CLSTN2: variants seen among roughly 807,000 people sequenced by gnomAD.
CLSTN2 encodes the protein calsyntenin-2.
Under a neutral mutation model 101.2 loss-of-function variants are expected in CLSTN2, and 48 were observed. That is an observed-to-expected ratio of 0.47 (90% CI 0.38 to 0.60). The LOEUF (loss-of-function observed/expected upper bound fraction) is 0.60. Among genes scored for constraint, CLSTN2 ranks in the 20% least tolerant of loss-of-function variants. The pLI is 0.00. For missense variants in CLSTN2, 1,160 were observed against 1,238.2 expected, an observed-to-expected ratio of 0.94 and a Z score of 0.95; for synonymous variants, 481 against 463.6, an observed-to-expected ratio of 1.04 and a Z score of -0.48.
intron 5 of CLSTN2, among the ~76,000 whole-genome samples, chr3:140,421,921 C>T (rs1024672956): frequency 1.3e-5 from 2 of 152,060 alleles, no homozygotes; most frequent in Middle Eastern, 3.2e-3. Flanking sequence ...ATAGATGGAC[C>T]TTACAGAGAT....
intron 2 of CLSTN2, 122 bp from the exon 3 acceptor site, chr3:140,403,507 C>T: frequency 1.2e-6 from 1 of 832,062 alleles, no homozygotes; most frequent in Admixed American, 2.3e-5. Context: ...TCGTGGACCA[C>T]ACTATGTGCG....
At chr3:140,310,308 T>C (rs1300829388) in intron 2 of CLSTN2, among the ~76,000 whole-genome samples, 1 of 150,342 alleles carries the variant, frequency 6.7e-6, no homozygotes, top group African/African-American at 2.4e-5. Context: ...GAAGTTTGGC[T>C]GGCCCCACCC....
At position 140,576,998 on chromosome 3, in the gene CLSTN2, G is replaced by A. The variant is rs1317173563; in HGVS notation, c.*10745G>A. The A allele has an allele frequency of 6.6e-6, 1 of 152,086 alleles. No homozygotes were observed. The highest frequency in any genetic ancestry group is 1.5e-5 in the Non-Finnish European group (1 of 68,014). 9.4% of individuals were successfully genotyped at this position (152,086 alleles called of 1,614,324 possible). The stretch of plus-strand genomic sequence containing the variant: ...TCAACAAGGTTGCCCAGCCACAGAG[G>A]GTCAGAGAAAATGTCCTTTCCCCTC... On this transcript the variant is annotated 3_prime_UTR_variant, in exon 17 of 17. Transcript: ENST00000458420.
rs527294739 is a variant in CLSTN2, at chr3:140,322,928, A to G, written c.233-80701A>G. On this transcript the variant is annotated intron_variant, in intron 2 of 16. Coordinates refer to ENST00000458420, the MANE Select transcript of CLSTN2 (RefSeq NM_022131.3). Reference sequence around the variant, plus strand: ...GAATTAAAATCTAAGGGAGAAATAAAAAACATACCTCATGCTGGGTTGATT... The same window carrying G: ...GAATTAAAATCTAAGGGAGAAATAAGAAACATACCTCATGCTGGGTTGATT... 1.6e-4 allele frequency among the ~76,000 whole-genome samples: 25 copies of G among 152,380 alleles called. No individual in the cohort carries two copies. The South Asian group carries it at 4.6e-3, about 28-fold the overall frequency.
intron 1 of CLSTN2, among the ~76,000 whole-genome samples, chr3:139,979,808 G>A (rs143430268): frequency 1.3e-4 from 20 of 151,968 alleles, no homozygotes; most frequent in African/African-American, 4.8e-4. Context: ...TCATTAGCCA[G>A]GATTTATGTG....
At chr3:140,440,100 A>C (rs910753165) in intron 5 of CLSTN2, among the ~76,000 whole-genome samples, 1 of 151,958 alleles carries the variant, frequency 6.6e-6, no homozygotes, top group Admixed American at 6.6e-5. Flanking sequence ...ATTGGGGGAG[A>C]CTCATCAAGG....
intron 2 of CLSTN2, among the ~76,000 whole-genome samples, chr3:140,353,176 G>T (rs1372377481): frequency 6.6e-6 from 1 of 151,632 alleles, no homozygotes; most frequent in Non-Finnish European, 1.5e-5. Context: ...GTGAATTTTG[G>T]TATCTAAGTG....
chr3:140,067,230 A>G (rs1350890646), intron 1 of CLSTN2, among the ~76,000 whole-genome samples: 1 of 148,354 alleles, frequency 6.7e-6, no homozygotes, highest in Non-Finnish European at 1.5e-5. Context: ...CAAGCAGAGT[A>G]ACACATGCTT....
intron 1 of CLSTN2, among the ~76,000 whole-genome samples, chr3:140,078,423 A>G (rs886861006): frequency 4.6e-5 from 7 of 152,332 alleles, no homozygotes; most frequent in Non-Finnish European, 5.9e-5. Flanking sequence ...TGTGTGATAT[A>G]ATGTACTACT....
At position 140,172,234 on chromosome 3, in the gene CLSTN2, G is replaced by A. The variant is rs928949823; in HGVS notation, c.110-3717G>A. Among the ~76,000 whole-genome samples, 13 of 151,390 alleles carry A rather than the reference G, an allele frequency of 8.6e-5. No individual in the cohort carries two copies. In the East Asian group the frequency reaches 1.2e-3, roughly 14 times the overall value. ...TTCTGTGAGGGTATTGGGGGTGAGC[G>A]GGGGGGACTAAAAAAGAGAAACCAA... On this transcript the variant is annotated intron_variant, in intron 1 of 16. Transcript: ENST00000458420.
chr3:140,392,553 G>A (rs74320233), intron 2 of CLSTN2, among the ~76,000 whole-genome samples: 9,675 of 152,088 alleles, frequency 0.064, 689 homozygotes, highest in African/African-American at 0.18. Flanking sequence ...TAAAAATAAA[G>A]TTTAAACTCT....
At chr3:140,444,035 T>C (rs535943029) in intron 5 of CLSTN2, among the ~76,000 whole-genome samples, 83 of 152,328 alleles carry the variant, frequency 5.4e-4, no homozygotes, top group African/African-American at 1.9e-3. Context: ...TTTGCCAACA[T>C]TGGGATTATC....
chr3:140,458,656 C>T (rs1215672355), intron 6 of CLSTN2, among the ~76,000 whole-genome samples: 5 of 152,122 alleles, frequency 3.3e-5, no homozygotes, highest in Non-Finnish European at 5.9e-5. Context: ...ATGAAGTCTT[C>T]GTGCCTTAGC....
rs554574673 is a variant in CLSTN2 at position 140,419,582 on chromosome 3, C to T, written c.638-1543C>T. 4.5e-4 allele frequency among the ~76,000 whole-genome samples: 22 copies of T among 49,096 alleles called. 5 individuals are homozygous for T. In the South Asian group the frequency reaches 5.5e-3, roughly 12 times the overall value. 32.2% of individuals were successfully genotyped at this position (49,096 alleles called of 152,430 possible). A position where few individuals can be genotyped will look rare whatever the true frequency, so the allele number is the denominator to read the frequency against. The stretch of plus-strand genomic sequence containing the variant: ...GTATATATGTATATATACATATATA[C>T]GTGTACGTATATATGTATATATACA... On this transcript the variant is annotated intron_variant, in intron 4 of 16. Transcript: ENST00000458420.
chr3:140,429,316 G>C (rs962507543), intron 5 of CLSTN2, among the ~76,000 whole-genome samples: 11 of 152,146 alleles, frequency 7.2e-5, no homozygotes, highest in African/African-American at 2.7e-4. Flanking sequence ...TAGAAATGCT[G>C]AGGATAAAAG....
intron 2 of CLSTN2, among the ~76,000 whole-genome samples, chr3:140,372,020 G>A (rs1006755847): frequency 1.3e-5 from 2 of 152,142 alleles, no homozygotes; most frequent in Admixed American, 6.5e-5. Flanking sequence ...TAACTTCAAG[G>A]ACCTAAGATG....
At chr3:140,439,753 G>A (rs946894323) in intron 5 of CLSTN2, among the ~76,000 whole-genome samples, 31 of 151,334 alleles carry the variant, frequency 2.0e-4, no homozygotes, top group African/African-American at 7.0e-4. Context: ...GCACACACAC[G>A]CACACACACA....
intron 2 of CLSTN2, among the ~76,000 whole-genome samples, chr3:140,214,545 G>A (rs997558782): frequency 1.3e-5 from 2 of 152,136 alleles, no homozygotes; most frequent in Non-Finnish European, 2.9e-5. Flanking sequence ...ATGTCCCAGG[G>A]ACTAGAGCCA....
chr3:140,313,906 G>A (rs114233300), intron 2 of CLSTN2, among the ~76,000 whole-genome samples: 1 of 152,150 alleles, frequency 6.6e-6, no homozygotes, highest in Non-Finnish European at 1.5e-5. Context: ...ACAGGAACAG[G>A]CCCCACTTTT....
Sources: allele counts gnomAD v4.1 joint callset (sites outside exome capture counted in the v4.1 genomes callset), GRCh38; gene constraint gnomAD v4.1.1; transcripts MANE v1.5; gene names NCBI Gene and HGNC (gene_info 2026-07-23, HGNC 2026-07-21).